Variants in DPP10 observed in about 807,000 individuals in gnomAD.
DPP10 encodes dipeptidyl peptidase like 10.
Under a neutral mutation model 120.9 loss-of-function variants are expected in DPP10, and 33 were observed. That is an observed-to-expected ratio of 0.27 (90% CI 0.21 to 0.37). DPP10 has a LOEUF of 0.37. DPP10 is among the 10% of genes least tolerant of loss of function. The probability of loss-of-function intolerance (pLI) is 1.00; values close to 1 mark genes in which losing one functional copy is unlikely to be tolerated. For missense variants in DPP10, 816 were observed against 942.8 expected (o/e 0.87, Z 1.76); for synonymous variants, 337 against 326.1 (o/e 1.03, Z -0.36).
intron 3 of DPP10, among the ~76,000 whole-genome samples, chr2:115,400,633 T>G (rs183108818): frequency 2.0e-5 from 3 of 152,330 alleles, no homozygotes; most frequent in African/African-American, 7.2e-5. Context: ...AAAATGTGTA[T>G]GTTGAACCCT....
At chr2:115,465,868 T>G (rs1291050024) in intron 3 of DPP10, among the ~76,000 whole-genome samples, 1 of 152,038 alleles carries the variant, frequency 6.6e-6, no homozygotes, top group Admixed American at 6.6e-5. Flanking sequence ...AGCACAACAT[T>G]TTGTCATTTA....
chr2:114,796,488 T>TA (rs1277147912), intron 1 of DPP10, among the ~76,000 whole-genome samples: 1 of 151,948 alleles, frequency 6.6e-6, no homozygotes, highest in Non-Finnish European at 1.5e-5. Context: ...ATATATAACA[T>TA]ACAAAATATG....
At chr2:115,469,907 A>G (rs1353015193) in intron 3 of DPP10, among the ~76,000 whole-genome samples, 5 of 151,812 alleles carry the variant, frequency 3.3e-5, no homozygotes, top group Non-Finnish European at 7.4e-5. Context: ...AAAGAAAAAA[A>G]AAAACTAGTT....
At chr2:114,832,714 A>C (rs1351165696) in intron 1 of DPP10, among the ~76,000 whole-genome samples, 1 of 152,228 alleles carries the variant, frequency 6.6e-6, no homozygotes, top group Non-Finnish European at 1.5e-5. Flanking sequence ...CAAATATTTG[A>C]AATCAAAGTT....
intron 3 of DPP10, among the ~76,000 whole-genome samples, chr2:115,372,410 A>AG (rs1440561278): frequency 6.6e-6 from 1 of 151,660 alleles, no homozygotes; most frequent in African/African-American, 2.4e-5. Flanking sequence ...AGAGGTAAAA[A>AG]AAGTCTCTGC....
chr2:115,181,384 G>T (rs1321984467), intron 1 of DPP10, among the ~76,000 whole-genome samples: 5 of 152,158 alleles, frequency 3.3e-5, no homozygotes, highest in African/African-American at 9.7e-5. Flanking sequence ...GGCTTGGTGG[G>T]CAGTGCTTCT....
chr2:115,778,317 T>G (rs1433798428), intron 15 of DPP10, among the ~76,000 whole-genome samples: 2 of 152,064 alleles, frequency 1.3e-5, no homozygotes, highest in Non-Finnish European at 2.9e-5. Context: ...GTGAGATTGT[T>G]GCAGGAGGAG....
At chr2:114,683,785 T>C (rs1245439593) in intron 1 of DPP10, among the ~76,000 whole-genome samples, 2 of 151,864 alleles carry the variant, frequency 1.3e-5, no homozygotes, top group Non-Finnish European at 2.9e-5. Context: ...CCTGCCATCC[T>C]AGCTGCAGAA....
At chr2:114,951,333 T>C (rs1697768487) in intron 1 of DPP10, among the ~76,000 whole-genome samples, 1 of 152,198 alleles carries the variant, frequency 6.6e-6, no homozygotes, top group Admixed American at 6.5e-5. Context: ...ATTTGGTTCT[T>C]GTACAAGGAA....
chr2:115,794,248 G>C (rs2149929438), intron 19 of DPP10, among the ~76,000 whole-genome samples: 1 of 152,220 alleles, frequency 6.6e-6, no homozygotes, highest in East Asian at 1.9e-4. Context: ...TTGATCTGTA[G>C]TGATGGGTTT....
At chr2:114,540,113 C>T (rs1686838551) in intron 1 of DPP10, among the ~76,000 whole-genome samples, 1 of 152,200 alleles carries the variant, frequency 6.6e-6, no homozygotes, top group Non-Finnish European at 1.5e-5. Context: ...ACCACCAATT[C>T]AGCCTCTCTC....
chr2:114,447,414 A>C (rs1243844519), intron 1 of DPP10, among the ~76,000 whole-genome samples: 1 of 152,204 alleles, frequency 6.6e-6, no homozygotes, highest in African/African-American at 2.4e-5. Context: ...AATTAAATAT[A>C]TAAATTATAT....
intron 1 of DPP10, among the ~76,000 whole-genome samples, chr2:114,567,085 C>T (rs1437959843): frequency 1.3e-5 from 2 of 152,190 alleles, no homozygotes; most frequent in East Asian, 3.8e-4. Context: ...TCCCATCCTC[C>T]AACAGCTGGC....
At chr2:115,830,125 G>A (rs1169485052) in intron 21 of DPP10, among the ~76,000 whole-genome samples, 3 of 152,054 alleles carry the variant, frequency 2.0e-5, no homozygotes, top group Admixed American at 6.5e-5. Context: ...GGAGGCCAAG[G>A]TGGGTGGATC....
intron 1 of DPP10, among the ~76,000 whole-genome samples, chr2:114,936,036 G>A (rs970328484): frequency 3.3e-5 from 5 of 151,360 alleles, no homozygotes; most frequent in Non-Finnish European, 7.4e-5. Flanking sequence ...GTAGTGTTTG[G>A]TTACATGAAT....
At chr2:115,492,215 C>T (rs2076162846) in intron 3 of DPP10, among the ~76,000 whole-genome samples, 1 of 152,008 alleles carries the variant, frequency 6.6e-6, no homozygotes, top group Non-Finnish European at 1.5e-5. Context: ...GGTGGCTCAC[C>T]AAAAATTCCA....
intron 1 of DPP10, among the ~76,000 whole-genome samples, chr2:115,222,831 G>T (rs1297704444): frequency 6.6e-6 from 1 of 151,436 alleles, no homozygotes; most frequent in East Asian, 1.9e-4. Flanking sequence ...GCAAATTTGG[G>T]GCTCTTTTTA....
intron 1 of DPP10, among the ~76,000 whole-genome samples, chr2:114,520,371 T>C (rs1684952994): frequency 6.6e-6 from 1 of 152,212 alleles, no homozygotes; most frequent in Non-Finnish European, 1.5e-5. Flanking sequence ...TTGGACATAA[T>C]GCATTCCTAG....
chr2:115,521,534 A>G (rs542549975), intron 4 of DPP10, among the ~76,000 whole-genome samples: 4 of 152,190 alleles, frequency 2.6e-5, no homozygotes, highest in East Asian at 1.9e-4. Context: ...CATTCACCCA[A>G]TGATAAAAAC....
Sources: allele counts gnomAD v4.1 joint callset (sites outside exome capture counted in the v4.1 genomes callset), GRCh38; gene constraint gnomAD v4.1.1; transcripts MANE v1.5; gene names NCBI Gene and HGNC (gene_info 2026-07-23, HGNC 2026-07-21).